TMEM126B: variants seen among roughly 807,000 people sequenced by gnomAD.
The protein encoded by TMEM126B is complex I assembly factor TMEM126B, mitochondrial.
Under a neutral mutation model 16.5 loss-of-function variants are expected in TMEM126B, and 19 were observed. That is an observed-to-expected ratio of 1.15 (90% CI 0.80 to 1.69). The LOEUF (loss-of-function observed/expected upper bound fraction) is 1.69. Ranked by LOEUF, TMEM126B falls within the 40% of genes most tolerant of loss-of-function variation. The probability of loss-of-function intolerance (pLI) is 0.00; values close to 1 mark genes in which losing one functional copy is unlikely to be tolerated. For synonymous variants in TMEM126B, 104 were observed against 93.2 expected (o/e 1.12, Z -0.67); for missense variants, 293 against 278.7 (o/e 1.05, Z -0.37).
In TMEM126B at chr11:85,634,155, C is replaced by T. The variant is rs775244818; in HGVS notation, c.273C>T (p.Phe91=). The change falls in exon 3 of 5, where the codon TTC becomes TTT. Residue 91 remains phenylalanine (F), a synonymous_variant. Coordinates refer to ENST00000358867, the MANE Select transcript of TMEM126B (RefSeq NM_018480.7). ...TAGFSGIFSN[F]LFRRCFKVKH... ...GTTTCTCTGGAATATTCTCAAACTT[C>T]CTGTTCAGACGCTGCTTCAAGGTTA... 4.3e-6 allele frequency: 7 copies of T among 1,613,746 alleles called. 1 individual carries two copies. The South Asian group carries it at 7.7e-5, about 18-fold the overall frequency.
intron 1 of TMEM126B, chr11:85,631,149 T>C (rs964302057): frequency 2.3e-6 from 3 of 1,290,312 alleles, no homozygotes; most frequent in Non-Finnish European, 2.0e-6. Context: ...CTCTAGGAAA[T>C]GAAACACGAT....
chr11:85,631,351 C>G, intron 1 of TMEM126B: 2 of 1,187,246 alleles, frequency 1.7e-6, no homozygotes, highest in Non-Finnish European at 2.1e-6. Context: ...CTCAAGCAAG[C>G]CAACCTTTCA....
chr11:85,631,008 C>G, intron 1 of TMEM126B: 2 of 521,208 alleles, frequency 3.8e-6, no homozygotes, highest in Non-Finnish European at 6.4e-6. Flanking sequence ...TAATAGGGAA[C>G]TGGATATATA....
chr11:85,635,611 C>G, intron 3 of TMEM126B, 56 bp from the exon 4 acceptor site: 1 of 1,215,122 alleles, frequency 8.2e-7, no homozygotes, highest in East Asian at 2.4e-5. Context: ...AGGTACAACA[C>G]TGTCTTAATA....
At chr11:85,632,948 CCCTCT>C (rs2082330766) in intron 2 of TMEM126B, among the ~76,000 whole-genome samples, 1 of 152,080 alleles carries the variant, frequency 6.6e-6, no homozygotes, top group Non-Finnish European at 1.5e-5. Context: ...GCTATCCCTC[CCCTCT>C]CCTCCCACCC....
At chr11:85,631,073 C>A in intron 1 of TMEM126B, 1 of 1,137,610 alleles carries the variant, frequency 8.8e-7, no homozygotes, top group Non-Finnish European at 1.2e-6. Context: ...CTTCCTGGAG[C>A]AGTGTCCCTC....
intron 1 of TMEM126B, 31 bp from the exon 2 acceptor site, chr11:85,631,656 G>A: frequency 6.3e-7 from 1 of 1,587,038 alleles, no homozygotes; most frequent in Non-Finnish European, 8.5e-7. Context: ...AATATCATTA[G>A]CTATTATGGC....
chr11:85,631,663 T>C lies in TMEM126B; in HGVS notation c.82-24T>C, dbSNP rs371123037. ...GTAATATGAATATCATTAGCTATTA[T>C]GGCTCTGGAATTTTTTTTTCCAGGT... is the stretch of plus-strand genomic sequence containing the variant. On this transcript the variant is annotated intron_variant, in intron 1 of 4. Coordinates refer to ENST00000358867, the MANE Select transcript of TMEM126B (RefSeq NM_018480.7). 3.8e-6 allele frequency: 6 copies of C among 1,592,690 alleles called. No homozygotes were observed. The African/African-American group carries it at 6.0e-5, about 16-fold the overall frequency.
chr11:85,634,081 A>G lies in TMEM126B; in HGVS notation c.204-5A>G, dbSNP rs528439956. 1.2e-4 allele frequency: 196 copies of G among 1,598,078 alleles called. No individual in the cohort carries two copies. Among genetic ancestry groups the G allele is most frequent in the Non-Finnish European group, 1.6e-4 (190 of 1,177,278 alleles). On this transcript the variant is annotated splice_polypyrimidine_tract_variant and splice_region_variant and intron_variant, in intron 2 of 4. Transcript: ENST00000358867. ...GTGAACTGAATTTTTCTTTTTTTCT[A>G]TTAGGACACAAAATATATATCAAAT...
At chr11:85,630,396 G>C (rs1204039066) in intron 1 of TMEM126B, among the ~76,000 whole-genome samples, 1 of 152,188 alleles carries the variant, frequency 6.6e-6, no homozygotes, top group East Asian at 1.9e-4. Flanking sequence ...ATTGAGATTA[G>C]TGTAAATTTG....
At chr11:85,634,042 AGTTCAATG>A in intron 2 of TMEM126B, 36 bp from the exon 3 acceptor site, 2 of 1,413,396 alleles carry the variant, frequency 1.4e-6, no homozygotes, top group Non-Finnish European at 2.0e-6. Context: ...GTATCCATTA[AGTTCAATG>A]GTATAGTGAA....
intron 4 of TMEM126B, 25 bp from the exon 5 acceptor site, chr11:85,636,021 G>GTGATTAAC: frequency 6.5e-7 from 1 of 1,537,530 alleles, no homozygotes; most frequent in Non-Finnish European, 8.7e-7. Flanking sequence ...TCCAGGAGAG[G>GTGATTAAC]TGATTAACTC....
At chr11:85,633,488 T>G (rs919309955) in intron 2 of TMEM126B, among the ~76,000 whole-genome samples, 2 of 152,232 alleles carry the variant, frequency 1.3e-5, no homozygotes, top group Admixed American at 6.5e-5. Context: ...TTTTAATGAT[T>G]GCCATTCTAA....
Position 85,634,331 on chromosome 11 carries a change from T to G in TMEM126B, c.397+52T>G, listed in dbSNP as rs752796270. On this transcript the variant is annotated intron_variant, in intron 3 of 4. Coordinates refer to ENST00000358867, the MANE Select transcript of TMEM126B (RefSeq NM_018480.7). ...CGTAGTTATGTCTAAGTAAAGTTAC[T>G]TATTAACATATACTGTTGCTACTGC... is the stretch of plus-strand genomic sequence containing the variant. 3.7e-6 allele frequency: 5 copies of G among 1,341,530 alleles called. No homozygotes were observed. In the African/African-American group the frequency reaches 7.3e-5, roughly 19 times the overall value. The allele number at this position is 1,341,530 out of a possible 1,614,324, so 83.1% of individuals were successfully genotyped here.
chr11:85,631,560 AGAC>A (rs2082296903), intron 1 of TMEM126B, 124 bp from the exon 2 acceptor site: 1 of 1,074,910 alleles, frequency 9.3e-7, no homozygotes, highest in Non-Finnish European at 1.3e-6. Flanking sequence ...ATGTGAAAGC[AGAC>A]GACACAGTAC....
At position 85,629,143 on chromosome 11, in the gene TMEM126B, T is replaced by C. The variant is rs954060473; in HGVS notation, c.81+455T>C. On this transcript the variant is annotated intron_variant, in intron 1 of 4. Transcript: ENST00000358867. The stretch of plus-strand genomic sequence containing the variant: ...GTTTAAATTGCCAGCTTTTTTGTTC[T>C]GAACTCCCACTGCGTTGTGGATTCC... 14 of 1,055,632 alleles carry C rather than the reference T, an allele frequency of 1.3e-5. No individual in the cohort carries two copies. The African/African-American group carries it at 2.0e-4, about 15-fold the overall frequency. 65.4% of individuals were successfully genotyped at this position (1,055,632 alleles called of 1,614,324 possible). A position where few individuals can be genotyped will look rare whatever the true frequency, so the allele number is the denominator to read the frequency against.
In TMEM126B at chr11:85,636,184, T is replaced by C. The variant is rs765233284; in HGVS notation, c.648T>C (p.Tyr216=). ...GAATATTAAATGGTCTATACCATTA[T>C]GCAGTATTTGAAGAGACACTTGAGA... The part of the protein sequence containing the change: ...MFGILNGLYH[Y]AVFEETLEKT... Residue 216 remains tyrosine (Y), a synonymous_variant, in exon 5 of 5, where the codon TAT becomes TAC. Transcript: ENST00000358867. 36 of 1,591,304 alleles carry C rather than the reference T, an allele frequency of 2.3e-5. No homozygotes were observed. Among genetic ancestry groups the C allele is most frequent in the Non-Finnish European group, 3.0e-5 (35 of 1,171,926 alleles).
At chr11:85,635,064 G>A (rs2082373591) in intron 3 of TMEM126B, 1 of 152,200 alleles carries the variant, frequency 6.6e-6, no homozygotes, top group African/African-American at 2.4e-5. Context: ...CTGATATATA[G>A]TAGATAATAA....
chr11:85,635,665 A>C lies in TMEM126B; in HGVS notation c.398-2A>C. The C allele has an allele frequency of 6.3e-7, 1 of 1,599,686 alleles. No individual in the cohort carries two copies. Among genetic ancestry groups the C allele is most frequent in the Non-Finnish European group, 8.5e-7 (1 of 1,175,240 alleles). On this transcript the variant is annotated splice_acceptor_variant, in intron 3 of 4. Transcript: ENST00000358867. LOFTEE classifies it high-confidence loss of function. ...AAAACCAAATTTACTTTTGTTTTCCAGATAATATAAGCAAGGAAAACTGTG... is the reference window on the plus strand; with the variant it reads ...AAAACCAAATTTACTTTTGTTTTCCCGATAATATAAGCAAGGAAAACTGTG...
Sources: allele counts gnomAD v4.1 joint callset (sites outside exome capture counted in the v4.1 genomes callset), GRCh38; gene constraint gnomAD v4.1.1; transcripts MANE v1.5; gene names NCBI Gene and HGNC (gene_info 2026-07-23, HGNC 2026-07-21).